Variants in CSMD1 observed in about 807,000 individuals in gnomAD.
CSMD1 encodes CUB and Sushi multiple domains 1, also known as CUB and sushi domain-containing protein 1.
CSMD1 carries 213 observed loss-of-function variants against 417.5 expected under a neutral mutation model. The observed-to-expected ratio is 0.51, with a 90% CI of 0.46 to 0.57. The LOEUF (loss-of-function observed/expected upper bound fraction) is 0.57, where lower values mean the gene tolerates loss of function less well. Ranked by LOEUF, CSMD1 falls within the 20% of genes least tolerant of loss-of-function variation. The pLI is 0.00. For synonymous variants in CSMD1, 2,862 were observed against 1,736.8 expected (o/e 1.65, Z -16.11); for missense variants, 6,923 against 4,529.7 (o/e 1.53, Z -15.17).
intron 25 of CSMD1, among the ~76,000 whole-genome samples, chr8:3,288,153 C>G (rs576663561): frequency 6.1e-5 from 9 of 147,254 alleles, no homozygotes; most frequent in African/African-American, 2.4e-4. Context: ...GGGATGAAGC[C>G]CACTTGATCA....
intron 3 of CSMD1, among the ~76,000 whole-genome samples, chr8:4,366,666 G>C (rs897415764): frequency 6.6e-6 from 1 of 151,890 alleles, no homozygotes; most frequent in African/African-American, 2.4e-5. Flanking sequence ...TGATTTGCAT[G>C]TCTCTAATAG....
intron 3 of CSMD1, among the ~76,000 whole-genome samples, chr8:4,273,254 G>C (rs1033675035): frequency 6.6e-6 from 1 of 152,076 alleles, no homozygotes; most frequent in African/African-American, 2.4e-5. Context: ...AAGGCAATGA[G>C]CATATTTGTA....
At chr8:4,301,046 G>A (rs961390412) in intron 3 of CSMD1, among the ~76,000 whole-genome samples, 1 of 152,152 alleles carries the variant, frequency 6.6e-6, no homozygotes, top group Non-Finnish European at 1.5e-5. Context: ...ACAAAAAGAA[G>A]TCAGAAGGAG....
chr8:3,430,594 G>T (rs1251514243), intron 12 of CSMD1, among the ~76,000 whole-genome samples: 1 of 152,126 alleles, frequency 6.6e-6, no homozygotes, highest in African/African-American at 2.4e-5. Flanking sequence ...ATCATTTGAG[G>T]TCAGGAGTTT....
At chr8:4,938,766 T>A (rs1198390470) in intron 1 of CSMD1, among the ~76,000 whole-genome samples, 1 of 152,202 alleles carries the variant, frequency 6.6e-6, no homozygotes, top group Admixed American at 6.5e-5. Context: ...GTGTGGCCTG[T>A]GGGTCAAGAA....
At chr8:4,595,159 G>A (rs73502507) in intron 2 of CSMD1, among the ~76,000 whole-genome samples, 4,526 of 152,100 alleles carry the variant, frequency 0.03, 109 homozygotes, top group African/African-American at 0.068. Flanking sequence ...TTTTCACAGT[G>A]AAAGAGTGTT....
At chr8:3,290,202 C>T (rs1803447359) in intron 25 of CSMD1, among the ~76,000 whole-genome samples, 1 of 147,244 alleles carries the variant, frequency 6.8e-6, no homozygotes, top group Admixed American at 6.7e-5. Flanking sequence ...GTTTTGGTAC[C>T]AGTACCATGC....
intron 2 of CSMD1, among the ~76,000 whole-genome samples, chr8:4,547,489 T>C (rs1285258871): frequency 6.6e-6 from 1 of 152,242 alleles, no homozygotes; most frequent in African/African-American, 2.4e-5. Context: ...CCCACATTTC[T>C]GGCCTCTTTT....
Position 4,724,526 on chromosome 8 carries a change from G to A in CSMD1, c.86-86968C>T, listed in dbSNP as rs1254846091. Among the ~76,000 whole-genome samples, 70 of 125,562 alleles carry A rather than the reference G, an allele frequency of 5.6e-4. 1 individual carries two copies. Among genetic ancestry groups the A allele is most frequent in the Non-Finnish European group, 8.1e-4 (47 of 57,890 alleles). The allele number at this position is 125,562 out of a possible 152,430, so 82.4% of individuals were successfully genotyped here. A position where few individuals can be genotyped will look rare whatever the true frequency, so the allele number is the denominator to read the frequency against. On this transcript the variant is annotated intron_variant, in intron 1 of 69. Transcript: ENST00000635120. ...AGTAGCTCTTTATATATATATGTGT[G>A]TGTGTGTGTGTGTGTGTGTGTGTGT...
chr8:3,782,418 C>A (rs571228583), intron 5 of CSMD1, among the ~76,000 whole-genome samples: 11 of 152,128 alleles, frequency 7.2e-5, no homozygotes, highest in Non-Finnish European at 1.6e-4. Context: ...TATAAATAGG[C>A]TGTTCAACAA....
rs145067135 is a variant in CSMD1, at chr8:4,304,464, C to T, written c.415+115489G>A. Among the ~76,000 whole-genome samples the T allele has an allele frequency of 4.4e-3, 665 of 152,166 alleles. 5 individuals are homozygous for T. Among genetic ancestry groups the T allele is most frequent in the African/African-American group, 0.015 (639 of 41,502 alleles). ...AGTTAAGTGACTTGCTGGAAGTCAC[C>T]CAGATAGTACAGAGTCCCATCCTGA... On this transcript the variant is annotated intron_variant, in intron 3 of 69. Coordinates refer to ENST00000635120, the MANE Select transcript of CSMD1 (RefSeq NM_033225.6).
At chr8:3,287,882 G>A (rs1803275082) in intron 25 of CSMD1, among the ~76,000 whole-genome samples, 1 of 146,146 alleles carries the variant, frequency 6.8e-6, no homozygotes, top group South Asian at 2.1e-4. Flanking sequence ...TCTTGTGCCA[G>A]TTTGCAAAGG....
chr8:3,459,849 C>A (rs937999320), intron 12 of CSMD1, among the ~76,000 whole-genome samples: 1 of 151,850 alleles, frequency 6.6e-6, no homozygotes, highest in South Asian at 2.1e-4. Context: ...ATTCCTCAAA[C>A]GTATAAAAAC....
chr8:4,835,260 T>C (rs1800408741), intron 1 of CSMD1, among the ~76,000 whole-genome samples: 1 of 152,032 alleles, frequency 6.6e-6, no homozygotes, highest in South Asian at 2.1e-4. Context: ...GTGGGGATAC[T>C]AAGGAGAGGT....
At chr8:4,004,847 C>T (rs1162719924) in intron 4 of CSMD1, among the ~76,000 whole-genome samples, 1 of 152,140 alleles carries the variant, frequency 6.6e-6, no homozygotes, top group African/African-American at 2.4e-5. Flanking sequence ...CGGGTTCACG[C>T]CATTCTCCTG....
At chr8:3,793,903 T>C (rs188408326) in intron 5 of CSMD1, among the ~76,000 whole-genome samples, 1 of 152,232 alleles carries the variant, frequency 6.6e-6, no homozygotes, top group Admixed American at 6.5e-5. Context: ...AGAGTTCCCT[T>C]TGGAATTGCT....
chr8:3,987,713 A>T (rs1814437570), intron 5 of CSMD1, among the ~76,000 whole-genome samples: 1 of 152,222 alleles, frequency 6.6e-6, no homozygotes, highest in African/African-American at 2.4e-5. Flanking sequence ...AGGTGGAACG[A>T]GGTCACTAGC....
chr8:3,315,437 A>AGAGTGAGT (rs1554512190), intron 23 of CSMD1, among the ~76,000 whole-genome samples: 1 of 124,056 alleles, frequency 8.1e-6, no homozygotes, highest in African/African-American at 2.7e-5. Flanking sequence ...AGGTGAAGTG[A>AGAGTGAGT]GTGTGTGTGT....
intron 3 of CSMD1, among the ~76,000 whole-genome samples, chr8:4,417,570 C>T (rs1448030929): frequency 6.6e-6 from 1 of 151,840 alleles, no homozygotes; most frequent in African/African-American, 2.4e-5. Flanking sequence ...TATCTAAATC[C>T]AGTTGCCTTT....
Sources: gnomAD v4.1 joint callset for allele counts (sites outside exome capture counted in the v4.1 genomes callset) on GRCh38, gnomAD v4.1.1 for gene constraint, MANE v1.5 for transcripts, NCBI Gene and HGNC (gene_info 2026-07-23, HGNC 2026-07-21) for gene names.